The following SLC1A2 variants were observed in gnomAD, a reference collection of about 807,000 sequenced individuals.
SLC1A2 encodes excitatory amino acid transporter 2.
SLC1A2 carries 15 observed loss-of-function variants against 48.8 expected under a neutral mutation model. That is an observed-to-expected ratio of 0.31 (90% confidence interval 0.21 to 0.47). SLC1A2 has a LOEUF of 0.47. Among genes scored for constraint, SLC1A2 ranks in the 20% least tolerant of loss-of-function variants. The probability of loss-of-function intolerance (pLI) is 0.99; values close to 1 mark genes in which losing one functional copy is unlikely to be tolerated. For missense variants in SLC1A2, 502 were observed against 730.5 expected (o/e 0.69, Z 3.61); for synonymous variants, 279 against 272.6 (o/e 1.02, Z -0.23).
At chr11:35,362,623 C>T (rs983623442) in intron 1 of SLC1A2, among the ~76,000 whole-genome samples, 2 of 152,186 alleles carry the variant, frequency 1.3e-5, no homozygotes, top group African/African-American at 4.8e-5. Context: ...ATGTGGCATG[C>T]AACATATGGT....
chr11:35,274,907 C>G (rs777086212), intron 9 of SLC1A2, among the ~76,000 whole-genome samples: 16 of 152,264 alleles, frequency 1.1e-4, no homozygotes, highest in Middle Eastern at 3.4e-3. Flanking sequence ...AAGGATGCAT[C>G]AACTGTCAAG....
chr11:35,409,024 AAC>A (rs1855382881), intron 1 of SLC1A2, among the ~76,000 whole-genome samples: 1 of 152,244 alleles, frequency 6.6e-6, no homozygotes, highest in African/African-American at 2.4e-5. Flanking sequence ...TAAAAACACA[AAC>A]ACAATGATAA....
intron 5 of SLC1A2, among the ~76,000 whole-genome samples, chr11:35,302,454 G>A (rs1003726050): frequency 6.6e-6 from 1 of 152,008 alleles, no homozygotes; most frequent in Admixed American, 6.5e-5. Flanking sequence ...TTCTTGACTT[G>A]TATCTAAGTC....
intron 4 of SLC1A2, among the ~76,000 whole-genome samples, chr11:35,308,016 T>G (rs1851565611): frequency 1.3e-5 from 2 of 152,152 alleles, no homozygotes. Flanking sequence ...GAGAAGCTTA[T>G]GTGAACAGCA....
intron 5 of SLC1A2, 59 bp from the exon 6 acceptor site, chr11:35,301,704 C>G: frequency 6.5e-7 from 1 of 1,545,746 alleles, no homozygotes; most frequent in Admixed American, 1.7e-5. Flanking sequence ...CTTTTTCTCC[C>G]TCATTCTTTA....
In SLC1A2 at chr11:35,251,642, T is replaced by C. The variant is rs780382109; in HGVS notation, c.*9252A>G. ...AATCCTGCATAAAGCCCAGTTTTATTTCAGGAAGTATTCCATCCTAAATTT... is the reference window on the plus strand; with the variant it reads ...AATCCTGCATAAAGCCCAGTTTTATCTCAGGAAGTATTCCATCCTAAATTT... On this transcript the variant is annotated 3_prime_UTR_variant, in exon 11 of 11. Transcript: ENST00000278379. 2.6e-5 allele frequency: 4 copies of C among 152,574 alleles called. No individual in the cohort carries two copies. Among genetic ancestry groups the C allele is most frequent in the Non-Finnish European group, 5.9e-5 (4 of 68,038 alleles). 9.5% of individuals were successfully genotyped at this position (152,574 alleles called of 1,614,324 possible). A position where few individuals can be genotyped will look rare whatever the true frequency, so the allele number is the denominator to read the frequency against.
chr11:35,375,018 A>G (rs973883447), intron 1 of SLC1A2, among the ~76,000 whole-genome samples: 4 of 152,254 alleles, frequency 2.6e-5, no homozygotes, highest in African/African-American at 9.6e-5. Flanking sequence ...AACAAAAGGT[A>G]TTTGAATGGC....
At chr11:35,266,465 G>T (rs1050740597) in intron 9 of SLC1A2, among the ~76,000 whole-genome samples, 3 of 152,082 alleles carry the variant, frequency 2.0e-5, no homozygotes, top group African/African-American at 7.2e-5. Context: ...AATGTTTCTG[G>T]AATCAGGAAA....
intron 4 of SLC1A2, 24 bp from the exon 5 acceptor site, chr11:35,306,266 C>A: frequency 1.9e-6 from 3 of 1,592,046 alleles, no homozygotes; most frequent in Admixed American, 1.7e-5. Flanking sequence ...GGAAAAAAGG[C>A]ATAGAGCTGA....
chr11:35,295,614 TG>T (rs1198837738), intron 6 of SLC1A2, among the ~76,000 whole-genome samples: 1 of 150,790 alleles, frequency 6.6e-6, no homozygotes, highest in African/African-American at 2.5e-5. Flanking sequence ...ATTTTCCACA[TG>T]AGAAGGACAT....
rs116431481 is a variant in SLC1A2 at position 35,286,530 on chromosome 11, T to C, written c.1286+227A>G. ...TTGCTAAAAATCAAATAATATCCAA[T>C]TTCTAAAGCAAGTTGACATGTGCAA... is the stretch of plus-strand genomic sequence containing the variant. On this transcript the variant is annotated intron_variant, in intron 8 of 10. Coordinates refer to ENST00000278379, the MANE Select transcript of SLC1A2 (RefSeq NM_004171.4). 2,097 of 377,882 alleles carry C rather than the reference T, an allele frequency of 5.5e-3. 42 individuals carry two copies. Among genetic ancestry groups the C allele is most frequent in the African/African-American group, 0.04 (1,903 of 48,070 alleles). The allele number at this position is 377,882 out of a possible 1,614,324, so 23.4% of individuals were successfully genotyped here. A position where few individuals can be genotyped will look rare whatever the true frequency, so the allele number is the denominator to read the frequency against.
chr11:35,268,809 C>T (rs1850182044), intron 9 of SLC1A2, among the ~76,000 whole-genome samples: 2 of 152,050 alleles, frequency 1.3e-5, no homozygotes. Flanking sequence ...TAGTGGCTTC[C>T]CAAAGTCTGA....
At position 35,286,873 on chromosome 11, in the gene SLC1A2, A is replaced by G; in HGVS notation, c.1170T>C (p.Leu390=). ...GIDKRVTRFV[L]PVGATINMDG... ...CCATGTTAATGGTTGCTCCAACAGG[A>G]AGGACGAATCTAGTCACACGCTTAT... The change falls in exon 8 of 11, where the codon CTT becomes CTC. Residue 390 remains leucine, a synonymous_variant. Transcript: ENST00000278379. The G allele has an allele frequency of 6.2e-7, 1 of 1,614,110 alleles. No homozygotes were observed. The highest frequency in any genetic ancestry group is 8.5e-7 in the Non-Finnish European group (1 of 1,179,966).
intron 1 of SLC1A2, chr11:35,380,240 G>T: frequency 2.5e-6 from 1 of 397,072 alleles, no homozygotes; most frequent in South Asian, 1.3e-4. Flanking sequence ...CCTGTGAAAT[G>T]AAACACCTCC....
At chr11:35,386,867 G>A (rs367575949) in intron 1 of SLC1A2, among the ~76,000 whole-genome samples, 4 of 152,178 alleles carry the variant, frequency 2.6e-5, no homozygotes, top group African/African-American at 9.7e-5. Flanking sequence ...GAGAAGCTTG[G>A]TGACTAACCT....
At position 35,338,321 on chromosome 11, in the gene SLC1A2, C is replaced by A. The variant is rs112535859; in HGVS notation, c.18-20805G>T. Among the ~76,000 whole-genome samples, 170 of 152,144 alleles carry A rather than the reference C, an allele frequency of 1.1e-3. 1 individual carries two copies. The highest frequency in any genetic ancestry group is 3.9e-3 in the African/African-American group (160 of 41,524). On this transcript the variant is annotated intron_variant, in intron 1 of 10. Transcript: ENST00000278379. The stretch of plus-strand genomic sequence containing the variant: ...TACATAACAAATCTGTTGTTTTTTG[C>A]CTCCCTAGTGTCTGCTTGCTACTCT...
intron 4 of SLC1A2, among the ~76,000 whole-genome samples, chr11:35,311,890 GA>G (rs1851704124): frequency 1.3e-5 from 1 of 74,822 alleles, no homozygotes; most frequent in East Asian, 5.6e-4. Context: ...GAGAGAGAGA[GA>G]GGGAGGGAGA....
chr11:35,268,702 A>G (rs886263907), intron 9 of SLC1A2, among the ~76,000 whole-genome samples: 1 of 152,016 alleles, frequency 6.6e-6, no homozygotes, highest in Non-Finnish European at 1.5e-5. Flanking sequence ...AACAAAGAAT[A>G]TACTTTATAG....
At chr11:35,313,577 T>C (rs1378914503) in intron 3 of SLC1A2, among the ~76,000 whole-genome samples, 1 of 152,204 alleles carries the variant, frequency 6.6e-6, no homozygotes, top group Non-Finnish European at 1.5e-5. Context: ...AAGTTAGTGA[T>C]GTGAGCTGCT....
Sources: allele counts gnomAD v4.1 joint callset (sites outside exome capture counted in the v4.1 genomes callset), GRCh38; gene constraint gnomAD v4.1.1; transcripts MANE v1.5; gene names NCBI Gene and HGNC (gene_info 2026-07-23, HGNC 2026-07-21).